Variants in ARHGAP42 observed in about 807,000 individuals in gnomAD.
The protein encoded by ARHGAP42 is rho GTPase-activating protein 42.
In ARHGAP42, 63 loss-of-function variants were observed where a neutral mutation model predicts 125.0. The ratio of observed to expected loss-of-function variants is 0.50; its 90% confidence interval spans 0.41 to 0.62. The LOEUF is 0.62. Ranked by LOEUF, ARHGAP42 falls within the 20% of genes least tolerant of loss-of-function variation. The pLI is 0.00. For synonymous variants in ARHGAP42, 339 were observed against 351.0 expected (o/e 0.97, Z 0.38); for missense variants, 766 against 1,024.2 (o/e 0.75, Z 3.44).
intron 1 of ARHGAP42, among the ~76,000 whole-genome samples, chr11:100,732,019 A>T (rs1187770514): frequency 1.3e-5 from 2 of 149,718 alleles, no homozygotes; most frequent in East Asian, 2.0e-4. Context: ...CAATGACGTG[A>T]TCTCAGCTCA....
intron 1 of ARHGAP42, among the ~76,000 whole-genome samples, chr11:100,691,551 G>A (rs1861190943): frequency 6.6e-6 from 1 of 152,154 alleles, no homozygotes; most frequent in East Asian, 1.9e-4. Context: ...TTGAGACAGG[G>A]TCACTCTGTC....
intron 1 of ARHGAP42, among the ~76,000 whole-genome samples, chr11:100,714,549 G>T (rs1861621512): frequency 6.6e-6 from 1 of 152,140 alleles, no homozygotes; most frequent in Admixed American, 6.6e-5. Flanking sequence ...AGTGTGAAAA[G>T]AATTTTGTTG....
chr11:100,734,341 A>C (rs1486110967), intron 1 of ARHGAP42, among the ~76,000 whole-genome samples: 1 of 152,068 alleles, frequency 6.6e-6, no homozygotes, highest in African/African-American at 2.4e-5. Context: ...GTGCAATGGC[A>C]CAATCTTGGC....
intron 3 of ARHGAP42, among the ~76,000 whole-genome samples, chr11:100,835,757 T>C (rs964731323): frequency 1.3e-5 from 2 of 150,770 alleles, no homozygotes; most frequent in Admixed American, 6.7e-5. Context: ...TAATATGGTA[T>C]ATATGTATAT....
chr11:100,821,282 G>A (rs985705676), intron 3 of ARHGAP42, among the ~76,000 whole-genome samples: 11 of 152,186 alleles, frequency 7.2e-5, no homozygotes, highest in African/African-American at 2.6e-4. Context: ...CTTTCAGGTG[G>A]GAGGAGCATT....
At chr11:100,717,289 G>A (rs1381604617) in intron 1 of ARHGAP42, among the ~76,000 whole-genome samples, 1 of 152,112 alleles carries the variant, frequency 6.6e-6, no homozygotes, top group Non-Finnish European at 1.5e-5. Context: ...TAGAGGGTTG[G>A]TGAAATCAAT....
At chr11:100,802,202 A>G (rs921647694) in intron 3 of ARHGAP42, among the ~76,000 whole-genome samples, 2 of 152,180 alleles carry the variant, frequency 1.3e-5, no homozygotes, top group African/African-American at 4.8e-5. Context: ...ATTTCGTCTT[A>G]GGCTGTTCAA....
intron 6 of ARHGAP42, among the ~76,000 whole-genome samples, chr11:100,927,839 C>T (rs766949296): frequency 2.0e-5 from 3 of 152,150 alleles, no homozygotes; most frequent in Non-Finnish European, 2.9e-5. Context: ...AATCAGTGCA[C>T]GTAATTGTCC....
At chr11:100,959,167 C>G (rs543785669) in intron 12 of ARHGAP42, among the ~76,000 whole-genome samples, 33 of 151,962 alleles carry the variant, frequency 2.2e-4, no homozygotes, top group African/African-American at 7.5e-4. Context: ...TAAATAAATG[C>G]TTTCTCTTTA....
rs764794139 is a variant in ARHGAP42 at position 100,992,648 on chromosome 11, G to A, written c.*3847G>A. On this transcript the variant is annotated 3_prime_UTR_variant, in exon 24 of 24. Transcript: ENST00000298815. The stretch of plus-strand genomic sequence containing the variant: ...CACCGTTATCCCCCTGCTTCAAAAT[G>A]TGCCAGTTCCACTTGGTAATAACGT... The A allele has an allele frequency of 1.9e-6, 3 of 1,611,628 alleles. No individual in the cohort carries two copies. The highest frequency in any genetic ancestry group is 2.2e-5 in the South Asian group (2 of 90,482).
chr11:100,755,949 T>C (rs1466784714), intron 1 of ARHGAP42, among the ~76,000 whole-genome samples: 1 of 152,182 alleles, frequency 6.6e-6, no homozygotes, highest in Admixed American at 6.5e-5. Context: ...TTTCCTTAAT[T>C]GACAATGTCA....
chr11:100,886,272 A>G (rs1866091272), intron 4 of ARHGAP42, among the ~76,000 whole-genome samples: 2 of 152,206 alleles, frequency 1.3e-5, no homozygotes, highest in African/African-American at 4.8e-5. Context: ...CAAGCATTTC[A>G]TCGATTTGTT....
At chr11:100,742,711 C>A (rs552945430) in intron 1 of ARHGAP42, among the ~76,000 whole-genome samples, 3 of 152,186 alleles carry the variant, frequency 2.0e-5, no homozygotes, top group African/African-American at 7.2e-5. Context: ...GCCAGCAGAA[C>A]TGGGACTAGT....
At chr11:100,962,307 A>G in intron 15 of ARHGAP42, 102 bp from the exon 16 acceptor site, 1 of 902,094 alleles carries the variant, frequency 1.1e-6, no homozygotes, top group South Asian at 1.8e-5. Context: ...TTTATTTTTA[A>G]TTGATGAATA....
At chr11:100,821,369 A>T (rs1864401539) in intron 3 of ARHGAP42, among the ~76,000 whole-genome samples, 1 of 152,104 alleles carries the variant, frequency 6.6e-6, no homozygotes, top group African/African-American at 2.4e-5. Flanking sequence ...TTTGTTATAT[A>T]GTTTGGAAAT....
intron 3 of ARHGAP42, among the ~76,000 whole-genome samples, chr11:100,835,336 C>T (rs1358130548): frequency 1.3e-5 from 2 of 152,254 alleles, no homozygotes; most frequent in East Asian, 3.9e-4. Flanking sequence ...ACATGCACGT[C>T]GTAATCTCCT....
intron 3 of ARHGAP42, among the ~76,000 whole-genome samples, chr11:100,806,762 A>G (rs1014864285): frequency 5.3e-5 from 8 of 152,188 alleles, no homozygotes; most frequent in Admixed American, 5.2e-4. Context: ...CATAACTGCA[A>G]TAATAGTGGC....
intron 3 of ARHGAP42, among the ~76,000 whole-genome samples, chr11:100,847,697 T>C (rs1275630298): frequency 6.6e-6 from 1 of 152,050 alleles, no homozygotes; most frequent in East Asian, 1.9e-4. Context: ...GCACAGAAGA[T>C]GAAGGAGAGG....
At chr11:100,840,565 A>G (rs1320290846) in intron 3 of ARHGAP42, 1 of 152,208 alleles carries the variant, frequency 6.6e-6, no homozygotes, top group African/African-American at 2.4e-5. Flanking sequence ...CTTAGAGCAT[A>G]TCAAAAAGGG....
Sources: allele counts gnomAD v4.1 joint callset (sites outside exome capture counted in the v4.1 genomes callset), GRCh38; gene constraint gnomAD v4.1.1; transcripts MANE v1.5; gene names NCBI Gene and HGNC (gene_info 2026-07-23, HGNC 2026-07-21).